ERCC8: variants seen among roughly 807,000 people sequenced by gnomAD.
ERCC8 encodes DNA excision repair protein ERCC-8.
ERCC8 carries 52 observed loss-of-function variants against 54.9 expected under a neutral mutation model. The ratio of observed to expected loss-of-function variants is 0.95; its 90% CI spans 0.76 to 1.19. ERCC8 has a LOEUF of 1.19. Ranked by LOEUF, ERCC8 falls within the 50% of genes most tolerant of loss-of-function variation. The probability of loss-of-function intolerance (pLI) is 0.00; values close to 1 mark genes in which losing one functional copy is unlikely to be tolerated. For missense variants in ERCC8, 514 were observed against 466.1 expected (o/e 1.10, Z -0.95); for synonymous variants, 146 against 157.2 (o/e 0.93, Z 0.53).
At chr5:60,891,504 T>TG (rs1748553282) in intron 9 of ERCC8, among the ~76,000 whole-genome samples, 1 of 152,080 alleles carries the variant, frequency 6.6e-6, no homozygotes, top group East Asian at 1.9e-4. Context: ...ATAATATTTT[T>TG]TGGGGGGTGT....
At chr5:60,909,265 A>AAAAAAAAAAAAC (rs1749178145) in intron 4 of ERCC8, among the ~76,000 whole-genome samples, 1 of 142,692 alleles carries the variant, frequency 7.0e-6, no homozygotes, top group Admixed American at 6.9e-5. Flanking sequence ...AAAAAAAAAA[A>AAAAAAAAAAAAC]AAAAAAAAAA....
intron 8 of ERCC8, among the ~76,000 whole-genome samples, chr5:60,899,237 C>A (rs549571436): frequency 8.6e-5 from 13 of 151,900 alleles, no homozygotes; most frequent in Admixed American, 1.3e-4. Context: ...TGGATTGCAG[C>A]TGACTCACAT....
intron 1 of ERCC8, among the ~76,000 whole-genome samples, chr5:60,936,057 G>C (rs1053835211): frequency 6.6e-5 from 10 of 152,316 alleles, no homozygotes; most frequent in Non-Finnish European, 1.0e-4. Context: ...AGGATTTAGG[G>C]AGGAATCCCT....
intron 1 of ERCC8, among the ~76,000 whole-genome samples, chr5:60,943,995 T>C (rs1750346230): frequency 6.6e-6 from 1 of 152,170 alleles, no homozygotes; most frequent in Non-Finnish European, 1.5e-5. Context: ...AGCAACTGTG[T>C]TCTCCAAGTA....
chr5:60,920,263 C>T lies in ERCC8; in HGVS notation c.275+1791G>A, dbSNP rs186408782. Among the ~76,000 whole-genome samples, 59 of 151,988 alleles carry T rather than the reference C, an allele frequency of 3.9e-4. 1 individual carries two copies. The highest frequency in any genetic ancestry group is 1.5e-3 in the Admixed American group (23 of 15,232). On this transcript the variant is annotated intron_variant, in intron 3 of 11. Coordinates refer to ENST00000676185, the MANE Select transcript of ERCC8 (RefSeq NM_000082.4). ...TACTAAATATTCTTCCAATAAATTT[C>T]GCTTAAGATAAGCAGATTGATTTCC...
At chr5:60,930,794 C>T (rs1749886520) in intron 1 of ERCC8, among the ~76,000 whole-genome samples, 1 of 151,830 alleles carries the variant, frequency 6.6e-6, no homozygotes, top group South Asian at 2.1e-4. Flanking sequence ...TGACTTTGAT[C>T]AATAACAATA....
Position 60,874,670 on chromosome 5 carries a change from G to C in ERCC8, c.1136C>G (p.Ser379Ter). 1 of 1,607,746 alleles carries C rather than the reference G, an allele frequency of 6.2e-7. No homozygotes were observed. Among genetic ancestry groups the C allele is most frequent in the South Asian group, 1.1e-5 (1 of 89,090 alleles). Residue 379 changes from serine to a stop codon, truncating the protein, a stop_gained, in exon 12 of 12, where the codon TCA becomes TGA. Transcript: ENST00000676185. LOFTEE classifies it high-confidence loss of function. ...ATCTTCAAAGGCCGGATTTAATTGTGATTTTGTTGTAGTCTAAAAAAAAAA... is the reference window on the plus strand; with the variant it reads ...ATCTTCAAAGGCCGGATTTAATTGTCATTTTGTTGTAGTCTAAAAAAAAAA... The part of the protein sequence containing the change: ...VPDDDETTTK[S>*]QLNPAFEDAW...
intron 4 of ERCC8, among the ~76,000 whole-genome samples, chr5:60,916,913 A>G (rs1749452370): frequency 6.6e-6 from 1 of 152,030 alleles, no homozygotes; most frequent in African/African-American, 2.4e-5. Context: ...TTCTTTGGGG[A>G]AGTAACAATC....
intron 11 of ERCC8, among the ~76,000 whole-genome samples, chr5:60,884,896 A>G (rs1032169513): frequency 5.9e-5 from 9 of 152,168 alleles, no homozygotes; most frequent in African/African-American, 1.9e-4. Context: ...GTATATCTCT[A>G]TGTGATTTTC....
intron 11 of ERCC8, among the ~76,000 whole-genome samples, chr5:60,880,522 C>T (rs1354558517): frequency 1.3e-5 from 2 of 152,298 alleles, no homozygotes; most frequent in African/African-American, 4.8e-5. Context: ...TAGATTTGGT[C>T]TTTTCACATA....
intron 9 of ERCC8, chr5:60,891,869 T>C (rs1282533846): frequency 7.0e-6 from 3 of 426,886 alleles, no homozygotes; most frequent in Non-Finnish European, 9.2e-6. Context: ...ACTATTTCAC[T>C]GGTAATCTCC....
At chr5:60,932,236 A>G (rs1749929616) in intron 1 of ERCC8, 1 of 152,248 alleles carries the variant, frequency 6.6e-6, no homozygotes, top group Non-Finnish European at 1.5e-5. Context: ...CAAGGTGTAC[A>G]AAACATAGGT....
chr5:60,908,581 A>T (rs2409837), intron 4 of ERCC8, among the ~76,000 whole-genome samples: 4,620 of 137,236 alleles, frequency 0.034, 103 homozygotes, highest in African/African-American at 0.067. Context: ...ATATATATAT[A>T]TATTTTTTTT....
intron 1 of ERCC8, among the ~76,000 whole-genome samples, chr5:60,939,315 T>C (rs1425158545): frequency 6.6e-6 from 1 of 152,230 alleles, no homozygotes; most frequent in Non-Finnish European, 1.5e-5. Context: ...TCTTCATCTT[T>C]AATGTTCCTT....
chr5:60,902,653 C>T (rs750752486), intron 6 of ERCC8, 145 bp from the exon 7 acceptor site: 43 of 697,028 alleles, frequency 6.2e-5, no homozygotes, highest in Non-Finnish European at 1.1e-4. Flanking sequence ...TTATAATAAT[C>T]GATGTTTCAA....
At chr5:60,882,635 C>T (rs1486125533) in intron 11 of ERCC8, among the ~76,000 whole-genome samples, 1 of 152,152 alleles carries the variant, frequency 6.6e-6, no homozygotes, top group Non-Finnish European at 1.5e-5. Flanking sequence ...GATCTGCCAG[C>T]CTTGGCCTCC....
At chr5:60,915,667 T>G (rs1749412033) in intron 4 of ERCC8, among the ~76,000 whole-genome samples, 1 of 152,036 alleles carries the variant, frequency 6.6e-6, no homozygotes, top group Non-Finnish European at 1.5e-5. Context: ...TCTTGGCTTG[T>G]GATCCCCTTA....
chr5:60,934,886 C>T (rs290515), intron 1 of ERCC8, among the ~76,000 whole-genome samples: 96,759 of 152,030 alleles, frequency 0.64, 31,213 homozygotes, highest in East Asian at 0.94. Flanking sequence ...GTATTTGGCT[C>T]TACTTGTGGG....
At chr5:60,914,025 C>A (rs904160925) in intron 4 of ERCC8, among the ~76,000 whole-genome samples, 5 of 151,932 alleles carry the variant, frequency 3.3e-5, no homozygotes, top group Non-Finnish European at 4.4e-5. Flanking sequence ...GTGGTCAATT[C>A]TGGAATAAGT....
Sources: allele counts gnomAD v4.1 joint callset (sites outside exome capture counted in the v4.1 genomes callset), GRCh38; gene constraint gnomAD v4.1.1; transcripts MANE v1.5; gene names NCBI Gene and HGNC (gene_info 2026-07-23, HGNC 2026-07-21).